Variants in WWOX observed in about 807,000 individuals in gnomAD.
WWOX encodes WW domain containing oxidoreductase, also known as WW domain-containing oxidoreductase.
A neutral mutation model predicts 46.2 loss-of-function variants in WWOX; 69 were observed. The ratio of observed to expected loss-of-function variants is 1.49; its 90% CI spans 1.23 to 1.82. The LOEUF is 1.82. Ranked by LOEUF, WWOX falls within the 40% of genes most tolerant of loss-of-function variation. WWOX has a pLI of 0.00. For missense variants in WWOX, 919 were observed against 542.6 expected (o/e 1.69, Z -6.89); for synonymous variants, 359 against 202.6 (o/e 1.77, Z -6.56).
At chr16:79,177,442 A>T (rs2050823028) in intron 8 of WWOX, among the ~76,000 whole-genome samples, 1 of 152,134 alleles carries the variant, frequency 6.6e-6, no homozygotes, top group South Asian at 2.1e-4. Flanking sequence ...CACTTCCGCT[A>T]ACCTCTTATG....
chr16:78,383,064 C>G (rs1005314076), intron 5 of WWOX, among the ~76,000 whole-genome samples: 3 of 150,644 alleles, frequency 2.0e-5, no homozygotes, highest in African/African-American at 4.9e-5. Flanking sequence ...CTTAGGCATA[C>G]TGGATCACGA....
At chr16:79,188,034 C>G (rs904646259) in intron 8 of WWOX, among the ~76,000 whole-genome samples, 2 of 152,208 alleles carry the variant, frequency 1.3e-5, no homozygotes, top group Admixed American at 6.5e-5. Context: ...AATTCCTTCT[C>G]CCACTTCCTG....
At chr16:79,139,475 G>C (rs933970661) in intron 8 of WWOX, among the ~76,000 whole-genome samples, 3 of 152,220 alleles carry the variant, frequency 2.0e-5, no homozygotes, top group Non-Finnish European at 4.4e-5. Flanking sequence ...AGGCAAGCCA[G>C]GGTGAAATTT....
At chr16:78,546,704 A>T (rs971234554) in intron 8 of WWOX, among the ~76,000 whole-genome samples, 6 of 152,200 alleles carry the variant, frequency 3.9e-5, no homozygotes, top group African/African-American at 1.4e-4. Context: ...TAAGAAGTGC[A>T]TCAGGTTCTT....
intron 6 of WWOX, among the ~76,000 whole-genome samples, chr16:78,406,816 G>C (rs2082559739): frequency 6.6e-6 from 1 of 151,920 alleles, no homozygotes; most frequent in South Asian, 2.1e-4. Flanking sequence ...TAGTAGAGAT[G>C]GGTTTCACTG....
At chr16:79,162,104 G>C (rs1261851406) in intron 8 of WWOX, among the ~76,000 whole-genome samples, 3 of 152,194 alleles carry the variant, frequency 2.0e-5, no homozygotes, top group Admixed American at 6.5e-5. Context: ...ATCATTACCT[G>C]ATTTTTTACT....
At chr16:78,278,183 A>G (rs2151852299) in intron 5 of WWOX, among the ~76,000 whole-genome samples, 1 of 152,332 alleles carries the variant, frequency 6.6e-6, no homozygotes, top group South Asian at 2.1e-4. Flanking sequence ...CGAAAACTGT[A>G]GTCTATTAAG....
chr16:79,146,568 C>T (rs1050756370), intron 8 of WWOX, among the ~76,000 whole-genome samples: 2 of 152,144 alleles, frequency 1.3e-5, no homozygotes, highest in Non-Finnish European at 2.9e-5. Flanking sequence ...TCCTCTCCCA[C>T]ACAGGATAAA....
intron 8 of WWOX, among the ~76,000 whole-genome samples, chr16:78,809,005 G>A (rs770642504): frequency 5.3e-5 from 8 of 151,958 alleles, no homozygotes; most frequent in South Asian, 2.1e-4. Context: ...ATTATTATTC[G>A]GAATTTTATG....
chr16:78,353,296 A>C (rs2081219614), intron 5 of WWOX, among the ~76,000 whole-genome samples: 1 of 152,222 alleles, frequency 6.6e-6, no homozygotes, highest in Non-Finnish European at 1.5e-5. Context: ...GATTAAGGGA[A>C]AATCAAGTAA....
chr16:78,146,808 A>G (rs1321852177), intron 4 of WWOX, among the ~76,000 whole-genome samples: 2 of 152,224 alleles, frequency 1.3e-5, no homozygotes, highest in East Asian at 3.8e-4. Context: ...CAAACTCGCA[A>G]TGATTCGGTG....
At chr16:78,774,851 C>G (rs1042966644) in intron 8 of WWOX, among the ~76,000 whole-genome samples, 1 of 152,164 alleles carries the variant, frequency 6.6e-6, no homozygotes, top group African/African-American at 2.4e-5. Context: ...TTCTGCAAGT[C>G]CATCCCCTTA....
At chr16:79,088,555 C>T (rs890364948) in intron 8 of WWOX, among the ~76,000 whole-genome samples, 2 of 152,056 alleles carry the variant, frequency 1.3e-5, no homozygotes, top group African/African-American at 4.8e-5. Flanking sequence ...TAAAGAAATG[C>T]GATGTTTTCT....
At chr16:78,237,102 G>C (rs2037467563) in intron 5 of WWOX, among the ~76,000 whole-genome samples, 1 of 149,078 alleles carries the variant, frequency 6.7e-6, no homozygotes, top group South Asian at 2.1e-4. Flanking sequence ...AAAAATCTGT[G>C]TTCTTGCCTG....
chr16:79,180,102 G>A (rs972722964), intron 8 of WWOX, among the ~76,000 whole-genome samples: 7 of 152,002 alleles, frequency 4.6e-5, no homozygotes, highest in Admixed American at 3.3e-4. Flanking sequence ...CAACAAGAAA[G>A]AATCTTTGCT....
intron 8 of WWOX, among the ~76,000 whole-genome samples, chr16:78,848,915 G>A (rs999926871): frequency 1.3e-5 from 2 of 151,910 alleles, no homozygotes; most frequent in East Asian, 1.9e-4. Context: ...AAGTTAGTAC[G>A]CTTCTTTTTC....
chr16:78,988,189 A>G (rs1484072116), intron 8 of WWOX, among the ~76,000 whole-genome samples: 1 of 151,904 alleles, frequency 6.6e-6, no homozygotes, highest in Non-Finnish European at 1.5e-5. Flanking sequence ...CTAAAAATAC[A>G]AAAACTTAGC....
intron 6 of WWOX, among the ~76,000 whole-genome samples, chr16:78,419,681 C>G (rs1013091087): frequency 9.4e-6 from 1 of 106,210 alleles, no homozygotes; most frequent in African/African-American, 3.4e-5. Context: ...AGAGCTAAAA[C>G]TATACAACTC....
At chr16:78,587,901 AC>A (rs2045255554) in intron 8 of WWOX, among the ~76,000 whole-genome samples, 1 of 152,152 alleles carries the variant, frequency 6.6e-6, no homozygotes, top group East Asian at 1.9e-4. Context: ...CTGCATGTTT[AC>A]TTATGGTTAT....
Sources: gnomAD v4.1 joint callset for allele counts (sites outside exome capture counted in the v4.1 genomes callset) on GRCh38, gnomAD v4.1.1 for gene constraint, MANE v1.5 for transcripts, NCBI Gene and HGNC (gene_info 2026-07-23, HGNC 2026-07-21) for gene names.